The following DOK6 variants were observed in gnomAD, a reference collection of about 807,000 sequenced individuals.
DOK6 encodes the protein docking protein 6.
A neutral mutation model predicts 44.0 loss-of-function variants in DOK6; 22 were observed. The observed-to-expected ratio is 0.50, with a 90% CI of 0.36 to 0.71. DOK6 has a LOEUF of 0.71. DOK6 is among the 30% of genes least tolerant of loss of function. The pLI is 0.00. For missense variants in DOK6, 340 were observed against 416.4 expected (o/e 0.82, Z 1.60); for synonymous variants, 166 against 145.5 (o/e 1.14, Z -1.01).
intron 1 of DOK6, among the ~76,000 whole-genome samples, chr18:69,427,730 TTAAAGAAAA>T (rs1568254007): frequency 6.6e-6 from 1 of 151,544 alleles, no homozygotes; most frequent in Non-Finnish European, 1.5e-5. Flanking sequence ...GATAGACTGA[TTAAAGAAAA>T]TAAAGAAAAT....
intron 3 of DOK6, among the ~76,000 whole-genome samples, chr18:69,670,358 C>T (rs1412995007): frequency 1.4e-4 from 21 of 152,080 alleles, no homozygotes; most frequent in Admixed American, 1.2e-3. Flanking sequence ...CTCTCAACTG[C>T]CAACCACCTC....
chr18:69,473,817 A>G (rs779642018), intron 1 of DOK6, among the ~76,000 whole-genome samples: 5 of 152,202 alleles, frequency 3.3e-5, no homozygotes, highest in Non-Finnish European at 7.4e-5. Flanking sequence ...CACTGGAGGG[A>G]AACTGTCTCC....
Position 69,757,831 on chromosome 18 carries a change from A to G in DOK6, c.814A>G (p.Ile272Val). 1 of 1,614,180 alleles carries G rather than the reference A, an allele frequency of 6.2e-7. No individual in the cohort carries two copies. Among genetic ancestry groups the G allele is most frequent in the Non-Finnish European group, 8.5e-7 (1 of 1,180,002 alleles). The change falls in exon 7 of 8, where the codon ATC (isoleucine) becomes GTC (valine). Residue 272 changes from isoleucine to valine, a missense_variant. Physicochemically the swap from Ile to Val is conservative, Grantham distance 29. Coordinates refer to ENST00000382713, the MANE Select transcript of DOK6 (RefSeq NM_152721.6). Reference sequence around the variant, plus strand: ...TCCTCGCAGCGCGTACTGGCATCACATCACTCGTCAGAACAGCGTTGGTGA... The same window carrying G: ...TCCTCGCAGCGCGTACTGGCATCACGTCACTCGTCAGAACAGCGTTGGTGA... ...SLPRSAYWHHITRQNSVGEIY... is the reference protein window; with the variant it reads ...SLPRSAYWHHVTRQNSVGEIY...
At chr18:69,545,137 C>G (rs73970162) in intron 1 of DOK6, among the ~76,000 whole-genome samples, 1 of 150,330 alleles carries the variant, frequency 6.7e-6, no homozygotes. Flanking sequence ...AAATTACAAC[C>G]CATGATATCA....
chr18:69,817,788 G>A (rs79959205), intron 7 of DOK6, among the ~76,000 whole-genome samples: 1 of 152,268 alleles, frequency 6.6e-6, no homozygotes, highest in East Asian at 1.9e-4. Context: ...ACAACGGAGT[G>A]TAGTCCAAGA....
chr18:69,472,681 C>G (rs1027166106), intron 1 of DOK6, among the ~76,000 whole-genome samples: 1 of 152,082 alleles, frequency 6.6e-6, no homozygotes, highest in African/African-American at 2.4e-5. Context: ...CACACAAGCA[C>G]GCACACACAT....
At chr18:69,726,090 G>A (rs1978305544) in intron 5 of DOK6, among the ~76,000 whole-genome samples, 1 of 152,194 alleles carries the variant, frequency 6.6e-6, no homozygotes, top group African/African-American at 2.4e-5. Flanking sequence ...AGCCAGAAGT[G>A]TGGGCAGCAT....
At chr18:69,482,067 G>T (rs994184162) in intron 1 of DOK6, among the ~76,000 whole-genome samples, 1 of 152,150 alleles carries the variant, frequency 6.6e-6, no homozygotes, top group Non-Finnish European at 1.5e-5. Context: ...TTTTGATGGG[G>T]TTGTTTGTTT....
Position 69,548,836 on chromosome 18 carries a change from G to A in DOK6, c.67-15651G>A, listed in dbSNP as rs554625043. 3.3e-3 allele frequency among the ~76,000 whole-genome samples: 504 copies of A among 151,686 alleles called. 25 individuals carry two copies. The highest frequency in any genetic ancestry group is 6.8e-3 in the Middle Eastern group (2 of 294). Reference sequence around the variant, plus strand: ...TGGCCGGGCGCGGTGGCTCACGCCTGTAATCCCAGCACTTTGGGAGGCCGA... The same window carrying A: ...TGGCCGGGCGCGGTGGCTCACGCCTATAATCCCAGCACTTTGGGAGGCCGA... On this transcript the variant is annotated intron_variant, in intron 1 of 7. Coordinates refer to ENST00000382713, the MANE Select transcript of DOK6 (RefSeq NM_152721.6).
At chr18:69,679,224 C>T (rs777430936) in intron 4 of DOK6, among the ~76,000 whole-genome samples, 3 of 152,060 alleles carry the variant, frequency 2.0e-5, no homozygotes, top group Non-Finnish European at 4.4e-5. Flanking sequence ...GGGTCATAAA[C>T]TAAATAGCAT....
At chr18:69,760,608 C>T (rs1393033286) in intron 7 of DOK6, among the ~76,000 whole-genome samples, 4 of 152,052 alleles carry the variant, frequency 2.6e-5, no homozygotes, top group Non-Finnish European at 1.5e-5. Flanking sequence ...TTTTATACTT[C>T]GGGTTGGCTT....
chr18:69,820,333 T>G (rs1981531577), intron 7 of DOK6, among the ~76,000 whole-genome samples: 1 of 152,184 alleles, frequency 6.6e-6, no homozygotes, highest in Non-Finnish European at 1.5e-5. Flanking sequence ...CATGCAAACT[T>G]ACTCAATCTC....
intron 2 of DOK6, among the ~76,000 whole-genome samples, chr18:69,585,118 A>C (rs1016030708): frequency 6.6e-6 from 1 of 151,832 alleles, no homozygotes; most frequent in African/African-American, 2.4e-5. Context: ...GAATGTCTAA[A>C]TTCTTTGCTG....
intron 4 of DOK6, among the ~76,000 whole-genome samples, chr18:69,681,469 G>T (rs1197418781): frequency 2.6e-5 from 4 of 152,170 alleles, no homozygotes; most frequent in Non-Finnish European, 5.9e-5. Context: ...ACTGCTGTCA[G>T]CTTGTTTTCA....
intron 1 of DOK6, among the ~76,000 whole-genome samples, chr18:69,476,061 G>A (rs778441537): frequency 2.6e-5 from 4 of 152,066 alleles, no homozygotes; most frequent in Admixed American, 6.6e-5. Flanking sequence ...ACCTCCAATA[G>A]TCCCCAGCGT....
intron 1 of DOK6, among the ~76,000 whole-genome samples, chr18:69,450,067 T>C (rs1213911423): frequency 2.3e-5 from 3 of 131,386 alleles, no homozygotes; most frequent in Non-Finnish European, 4.8e-5. Flanking sequence ...GGAGAATGAC[T>C]TTGACGAGCT....
intron 1 of DOK6, among the ~76,000 whole-genome samples, chr18:69,494,325 A>C (rs1980819960): frequency 6.6e-6 from 1 of 152,076 alleles, no homozygotes; most frequent in Non-Finnish European, 1.5e-5. Flanking sequence ...AAAATACAAA[A>C]ATTAGCCAGG....
intron 5 of DOK6, among the ~76,000 whole-genome samples, chr18:69,700,842 G>A (rs1180006040): frequency 1.3e-5 from 2 of 152,114 alleles, no homozygotes; most frequent in Non-Finnish European, 2.9e-5. Flanking sequence ...CAATTTAGAG[G>A]GCAGATTGGC....
chr18:69,779,054 G>C (rs1980169762), intron 7 of DOK6, among the ~76,000 whole-genome samples: 2 of 152,040 alleles, frequency 1.3e-5, no homozygotes, highest in South Asian at 4.1e-4. Flanking sequence ...TACAAAAAAA[G>C]CATTAGATGC....
Sources: gnomAD v4.1 joint callset for allele counts (sites outside exome capture counted in the v4.1 genomes callset) on GRCh38, gnomAD v4.1.1 for gene constraint, MANE v1.5 for transcripts, NCBI Gene and HGNC (gene_info 2026-07-23, HGNC 2026-07-21) for gene names.